FBXW8: variants seen among roughly 807,000 people sequenced by gnomAD.
The protein encoded by FBXW8 is F-box and WD repeat domain containing 8.
FBXW8 carries 57 observed loss-of-function variants against 65.3 expected under a neutral mutation model. The observed-to-expected ratio is 0.87, with a 90% CI of 0.71 to 1.09. FBXW8 has a LOEUF of 1.09. FBXW8 is among the 50% of genes least tolerant of loss of function. FBXW8 has a pLI of 0.00. For missense variants in FBXW8, 777 were observed against 814.8 expected, an observed-to-expected ratio of 0.95 and a Z score of 0.57; for synonymous variants, 308 against 330.2, an observed-to-expected ratio of 0.93 and a Z score of 0.73.
chr12:117,010,242 T>A, intron 7 of FBXW8, 81 bp from the exon 8 acceptor site: 1 of 1,596,918 alleles, frequency 6.3e-7, no homozygotes, highest in African/African-American at 1.3e-5. Flanking sequence ...GATCATGCCC[T>A]CCACGATGGT....
At chr12:116,928,936 G>A (rs1355919478) in intron 2 of FBXW8, among the ~76,000 whole-genome samples, 1 of 151,998 alleles carries the variant, frequency 6.6e-6, no homozygotes, top group Non-Finnish European at 1.5e-5. Context: ...TCAGCCTCCC[G>A]AGTAGCTGGG....
At chr12:116,968,605 T>G (rs1204633342) in intron 5 of FBXW8, among the ~76,000 whole-genome samples, 1 of 152,224 alleles carries the variant, frequency 6.6e-6, no homozygotes, top group East Asian at 1.9e-4. Context: ...TTCACACAAG[T>G]GCAAGGAGGA....
chr12:116,985,189 T>C lies in FBXW8; in HGVS notation c.836-17T>C. 1 of 1,560,338 alleles carries C rather than the reference T, an allele frequency of 6.4e-7. No homozygotes were observed. Among genetic ancestry groups the C allele is most frequent in the Non-Finnish European group, 8.7e-7 (1 of 1,155,814 alleles). ...GTAAATTTAAAATTGTTACCTGCAT[T>C]GTTTCTTGCTGCATAGGGTTTCTTA... On this transcript the variant is annotated splice_polypyrimidine_tract_variant and intron_variant, in intron 5 of 10. Transcript: ENST00000652555.
chr12:117,016,286 G>A (rs1953944756), intron 8 of FBXW8, among the ~76,000 whole-genome samples: 1 of 152,146 alleles, frequency 6.6e-6, no homozygotes, highest in Admixed American at 6.5e-5. Context: ...CACCAGCACT[G>A]GATGAGGGTT....
At chr12:117,024,802 C>T (rs943222827) in intron 9 of FBXW8, among the ~76,000 whole-genome samples, 2 of 152,124 alleles carry the variant, frequency 1.3e-5, no homozygotes, top group Non-Finnish European at 2.9e-5. Context: ...TGGTTCTGCC[C>T]GTTGCTTAGA....
chr12:116,926,686 T>A (rs1426470389), intron 1 of FBXW8, among the ~76,000 whole-genome samples: 1 of 152,194 alleles, frequency 6.6e-6, no homozygotes, highest in Non-Finnish European at 1.5e-5. Context: ...CTCTCTTGAT[T>A]TAACATTCTG....
At chr12:116,953,031 C>T (rs1224263264) in intron 4 of FBXW8, among the ~76,000 whole-genome samples, 1 of 152,178 alleles carries the variant, frequency 6.6e-6, no homozygotes, top group African/African-American at 2.4e-5. Context: ...AGCCACTGCA[C>T]CCGGCCTGTA....
Position 116,911,005 on chromosome 12 carries a change from C to T in FBXW8, c.-33C>T, listed in dbSNP as rs756123296. 7.3e-6 allele frequency: 10 copies of T among 1,371,514 alleles called. No homozygotes were observed. Among genetic ancestry groups the T allele is most frequent in the Middle Eastern group, 1.9e-4 (1 of 5,156 alleles). The allele number at this position is 1,371,514 out of a possible 1,614,324, so 85.0% of individuals were successfully genotyped here. On this transcript the variant is annotated 5_prime_UTR_variant, in exon 1 of 11. Coordinates refer to ENST00000652555, the MANE Select transcript of FBXW8 (RefSeq NM_153348.3). ...ACTGTCTCGTGGCACCCGGTGGAAC[C>T]GAGGAGAACGTGGAGCGCCGGGAGC...
chr12:117,028,031 C>T lies in FBXW8; in HGVS notation c.1656C>T (p.His552=). Residue 552 remains histidine (H), a synonymous_variant, in exon 11 of 11, where the codon CAC becomes CAT. Coordinates refer to ENST00000652555, the MANE Select transcript of FBXW8 (RefSeq NM_153348.3). The surrounding 1 kb of genome is among the most constrained non-coding windows in gnomAD (Gnocchi z 4.1). The part of the protein sequence containing the change: ...DLDSFTTHRR[H]RGLIRAYEFA... Reference sequence around the variant, plus strand: ...ACCATCTTTGTGCTCTTTCTAGACACCGGGGGCTGATCCGCGCCTATGAGT... The same window carrying T: ...ACCATCTTTGTGCTCTTTCTAGACATCGGGGGCTGATCCGCGCCTATGAGT... 6.2e-7 allele frequency: 1 copy of T among 1,614,016 alleles called. No homozygotes were observed. The highest frequency in any genetic ancestry group is 8.5e-7 in the Non-Finnish European group (1 of 1,180,024).
Position 117,029,015 on chromosome 12 carries a change from TACA to T in FBXW8, c.*845_*847del, listed in dbSNP as rs1427231965. 6 of 152,164 alleles carry T rather than the reference TACA, an allele frequency of 3.9e-5. No individual in the cohort carries two copies. Among genetic ancestry groups the T allele is most frequent in the African/African-American group, 1.4e-4 (6 of 41,434 alleles). The allele number at this position is 152,164 out of a possible 1,614,324, so 9.4% of individuals were successfully genotyped here. ...ATATCAAAGCGAAAACTGATAGAAC[TACA>T]AAGAGAAATAAAATCCATTCTCACG... On this transcript the variant is annotated 3_prime_UTR_variant, in exon 11 of 11. Transcript: ENST00000652555.
At chr12:117,007,688 G>A (rs1056634197) in intron 7 of FBXW8, among the ~76,000 whole-genome samples, 2 of 152,076 alleles carry the variant, frequency 1.3e-5, no homozygotes, top group African/African-American at 4.8e-5. Flanking sequence ...ACCCAACTAG[G>A]GCAATAAAGA....
chr12:117,012,572 T>TA (rs1205349956), intron 8 of FBXW8, among the ~76,000 whole-genome samples: 1 of 152,212 alleles, frequency 6.6e-6, no homozygotes, highest in Non-Finnish European at 1.5e-5. Flanking sequence ...CTAAGTGTGG[T>TA]AGAGGGAAGT....
intron 7 of FBXW8, among the ~76,000 whole-genome samples, chr12:116,991,622 A>G (rs766580440): frequency 2.0e-5 from 3 of 152,206 alleles, no homozygotes; most frequent in Admixed American, 6.5e-5. Flanking sequence ...GCCTGGAGCT[A>G]TATCCACACT....
Position 116,928,084 on chromosome 12 carries a change from T to C in FBXW8, c.380T>C (p.Ile127Thr), listed in dbSNP as rs747685248. The C allele has an allele frequency of 6.2e-7, 1 of 1,612,616 alleles. No homozygotes were observed. Among genetic ancestry groups the C allele is most frequent in the Non-Finnish European group, 8.5e-7 (1 of 1,179,330 alleles). Reference sequence around the variant, plus strand: ...CTGCCTTACGAATTGGCAATCAATATATTTCAGTATCTGGACAGGAAAGAA... The same window carrying C: ...CTGCCTTACGAATTGGCAATCAATACATTTCAGTATCTGGACAGGAAAGAA... Reference protein sequence around the residue: ...IQLPYELAINIFQYLDRKELG... With the variant: ...IQLPYELAINTFQYLDRKELG... The change falls in exon 2 of 11, where the codon ATA becomes ACA. Residue 127 changes from isoleucine to threonine, a missense_variant. Physicochemically the swap from Ile to Thr is moderately conservative, Grantham distance 89. Coordinates refer to ENST00000652555, the MANE Select transcript of FBXW8 (RefSeq NM_153348.3).
chr12:116,995,325 A>G (rs1429492355), intron 7 of FBXW8, among the ~76,000 whole-genome samples: 1 of 152,180 alleles, frequency 6.6e-6, no homozygotes, highest in South Asian at 2.1e-4. Context: ...GGTTGAACAC[A>G]TGACCTTTGG....
At chr12:116,919,224 A>G (rs968377534) in intron 1 of FBXW8, among the ~76,000 whole-genome samples, 1 of 152,212 alleles carries the variant, frequency 6.6e-6, no homozygotes, top group Non-Finnish European at 1.5e-5. Context: ...AGTAAACAGA[A>G]TGGCTCCTTG....
At chr12:116,912,755 G>A (rs80166605) in intron 1 of FBXW8, among the ~76,000 whole-genome samples, 1 of 152,108 alleles carries the variant, frequency 6.6e-6, no homozygotes, top group East Asian at 1.9e-4. Context: ...GAGCCACCGC[G>A]CCCGGCCGAG....
rs1882340767 is a variant in FBXW8 at position 116,938,726 on chromosome 12, T to G, written c.424-6638T>G. 2.0e-5 allele frequency among the ~76,000 whole-genome samples: 3 copies of G among 152,230 alleles called. No individual in the cohort carries two copies. The South Asian group carries it at 6.2e-4, about 32-fold the overall frequency. Reference sequence around the variant, plus strand: ...GTTTGTAATCATTGAGCACTGCCTTTGGATTTTCCTAAAGTGGGGATGATT... The same window carrying G: ...GTTTGTAATCATTGAGCACTGCCTTGGGATTTTCCTAAAGTGGGGATGATT... On this transcript the variant is annotated intron_variant, in intron 2 of 10. Coordinates refer to ENST00000652555, the MANE Select transcript of FBXW8 (RefSeq NM_153348.3).
chr12:116,914,318 C>T (rs1361621117), intron 1 of FBXW8, among the ~76,000 whole-genome samples: 1 of 151,896 alleles, frequency 6.6e-6, no homozygotes, highest in Non-Finnish European at 1.5e-5. Context: ...GTGGCTCATG[C>T]CTGTAATCCT....
Sources: allele counts gnomAD v4.1 joint callset (sites outside exome capture counted in the v4.1 genomes callset), GRCh38; gene constraint gnomAD v4.1.1; non-coding constraint Gnocchi (gnomAD v3.1); transcripts MANE v1.5; gene names NCBI Gene and HGNC (gene_info 2026-07-23, HGNC 2026-07-21).